The following PSMA1 variants were observed in gnomAD, a reference collection of about 807,000 sequenced individuals.
PSMA1 encodes proteasome subunit alpha type-1.
A neutral mutation model predicts 38.4 loss-of-function variants in PSMA1; 3 were observed. That is an observed-to-expected ratio of 0.08 (90% CI 0.04 to 0.20). PSMA1 has a LOEUF of 0.20. Ranked by LOEUF, PSMA1 falls within the 10% of genes least tolerant of loss-of-function variation. The pLI is 1.00. For missense variants in PSMA1, 227 were observed against 325.3 expected (o/e 0.70, Z 2.32); for synonymous variants, 101 against 107.1 (o/e 0.94, Z 0.35).
intron 7 of PSMA1, among the ~76,000 whole-genome samples, chr11:14,511,588 C>A (rs75094296): frequency 6.6e-6 from 1 of 152,018 alleles, no homozygotes; most frequent in Non-Finnish European, 1.5e-5. Flanking sequence ...ATAAAAAGCA[C>A]GTGATAAAAC....
intron 2 of PSMA1, among the ~76,000 whole-genome samples, chr11:14,602,514 GTA>G (rs1816632472): frequency 6.6e-6 from 1 of 151,918 alleles, no homozygotes; most frequent in African/African-American, 2.4e-5. Flanking sequence ...ATATGTATAT[GTA>G]TATATATTAT....
At chr11:14,605,709 G>A (rs532661171) in intron 2 of PSMA1, among the ~76,000 whole-genome samples, 1 of 152,168 alleles carries the variant, frequency 6.6e-6, no homozygotes, top group Admixed American at 6.5e-5. Context: ...TTTTAATTAG[G>A]GTTATTTGTT....
intron 3 of PSMA1, 62 bp from the exon 4 acceptor site, chr11:14,517,807 T>G: frequency 6.5e-6 from 10 of 1,530,686 alleles, no homozygotes; most frequent in Non-Finnish European, 8.8e-6. Flanking sequence ...AAAAATAAGT[T>G]TACAACCTTA....
intron 1 of PSMA1, among the ~76,000 whole-genome samples, chr11:14,626,998 G>A (rs928534352): frequency 6.6e-6 from 1 of 152,118 alleles, no homozygotes; most frequent in African/African-American, 2.4e-5. Flanking sequence ...TTTCTTCTGA[G>A]GCTTCTCTCC....
intron 2 of PSMA1, among the ~76,000 whole-genome samples, chr11:14,597,064 T>C (rs1852505849): frequency 1.3e-5 from 2 of 152,224 alleles, no homozygotes; most frequent in African/African-American, 4.8e-5. Context: ...TTTGCGTATA[T>C]TGAACCAGCC....
intron 2 of PSMA1, among the ~76,000 whole-genome samples, chr11:14,584,480 T>A (rs898284781): frequency 2.0e-5 from 3 of 151,814 alleles, no homozygotes; most frequent in Non-Finnish European, 4.4e-5. Flanking sequence ...TGTGATAATA[T>A]GGTTTGGAGT....
intron 2 of PSMA1, among the ~76,000 whole-genome samples, chr11:14,561,538 TC>T (rs1393053304): frequency 3.9e-5 from 6 of 152,204 alleles, no homozygotes; most frequent in Non-Finnish European, 8.8e-5. Flanking sequence ...ACAGATTTTC[TC>T]CTTTGTGTGT....
intron 1 of PSMA1, among the ~76,000 whole-genome samples, chr11:14,635,027 T>C (rs563771192): frequency 6.6e-6 from 1 of 152,356 alleles, no homozygotes; most frequent in East Asian, 1.9e-4. Flanking sequence ...GTCTATTTTA[T>C]AGCACAATAA....
chr11:14,543,955 C>A (rs1230974954), intron 2 of PSMA1, among the ~76,000 whole-genome samples: 3 of 152,178 alleles, frequency 2.0e-5, no homozygotes, highest in African/African-American at 7.2e-5. Flanking sequence ...AGTTGTACAA[C>A]CCTCACATAG....
At chr11:14,623,306 T>C (rs555101090) in intron 1 of PSMA1, among the ~76,000 whole-genome samples, 4 of 152,306 alleles carry the variant, frequency 2.6e-5, no homozygotes, top group East Asian at 1.9e-4. Context: ...GTCTGTTCTG[T>C]ATGTGAGTAC....
chr11:14,585,446 T>C (rs892425347), intron 2 of PSMA1, among the ~76,000 whole-genome samples: 2 of 152,228 alleles, frequency 1.3e-5, no homozygotes, highest in African/African-American at 4.8e-5. Flanking sequence ...ATAGGAAACA[T>C]TGTGAAGGAT....
intron 4 of PSMA1, among the ~76,000 whole-genome samples, chr11:14,515,974 G>A (rs1181705635): frequency 1.3e-5 from 2 of 151,542 alleles, no homozygotes; most frequent in Non-Finnish European, 2.9e-5. Context: ...CACTTTGGGA[G>A]GCCGAGGCAG....
rs544769661 is a variant in PSMA1, at chr11:14,613,314, C to A, written c.-165-2163G>T. 9.8e-4 allele frequency among the ~76,000 whole-genome samples: 137 copies of A among 139,748 alleles called. 3 individuals are homozygous for A. Among genetic ancestry groups the A allele is most frequent in the Non-Finnish European group, 2.5e-4 (16 of 63,936 alleles). The allele number at this position is 139,748 out of a possible 152,430, so 91.7% of individuals were successfully genotyped here. On this transcript the variant is annotated intron_variant, in intron 1 of 10. Transcript: ENST00000418988. The stretch of plus-strand genomic sequence containing the variant: ...GTGCCCAGGCTGGACTGCAGTGGCA[C>A]CATCTCGGCTCACTGCAACCTCTGC...
chr11:14,627,425 T>C (rs1200211735), intron 1 of PSMA1, among the ~76,000 whole-genome samples: 1 of 152,202 alleles, frequency 6.6e-6, no homozygotes, highest in East Asian at 1.9e-4. Context: ...ATTCAGCAAC[T>C]GCATTTTTAT....
chr11:14,520,488 G>A (rs113305948), upstream of PSMA1: 284 of 1,453,170 alleles, frequency 2.0e-4, 1 homozygote, highest in African/African-American at 3.7e-3. Flanking sequence ...CTTTCCGACC[G>A]CTCGGCGGCG....
chr11:14,520,555 G>A (rs1001087283), upstream of PSMA1: 59 of 1,268,682 alleles, frequency 4.7e-5, no homozygotes, highest in Middle Eastern at 8.5e-4. Flanking sequence ...GGCTGGGAGT[G>A]CCGGCGGCTG....
chr11:14,514,596 A>G, intron 4 of PSMA1, 105 bp from the exon 5 acceptor site: 1 of 860,050 alleles, frequency 1.2e-6, no homozygotes, highest in Non-Finnish European at 1.7e-6. Context: ...TTACATGGAT[A>G]ACATCCATAT....
At chr11:14,518,907 T>C (rs2134150949) in intron 2 of PSMA1, 90 bp downstream of exon 2, 2 of 1,059,588 alleles carry the variant, frequency 1.9e-6, no homozygotes, top group Middle Eastern at 2.1e-4. Flanking sequence ...TATATTCCAT[T>C]TTCCCCAAGC....
intron 2 of PSMA1, among the ~76,000 whole-genome samples, chr11:14,530,663 G>C (rs1851637531): frequency 6.6e-6 from 1 of 152,138 alleles, no homozygotes; most frequent in African/African-American, 2.4e-5. Context: ...CAGCACTTTG[G>C]GAGGCCAAGA....
Sources: gnomAD v4.1 joint callset for allele counts (sites outside exome capture counted in the v4.1 genomes callset) on GRCh38, gnomAD v4.1.1 for gene constraint, MANE v1.5 for transcripts, NCBI Gene and HGNC (gene_info 2026-07-23, HGNC 2026-07-21) for gene names.